The following AGMO variants were observed in gnomAD, a reference collection of about 807,000 sequenced individuals.
AGMO encodes alkylglycerol monooxygenase, also known as glyceryl-ether monooxygenase.
In AGMO, 75 loss-of-function variants were observed where a neutral mutation model predicts 60.2. The observed-to-expected ratio is 1.25, with a 90% CI of 1.03 to 1.51. The LOEUF is 1.51. Among genes scored for constraint, AGMO ranks in the 40% most tolerant of loss-of-function variants. AGMO has a pLI of 0.00. For missense variants in AGMO, 763 were observed against 525.5 expected (o/e 1.45, Z -4.42); for synonymous variants, 261 against 177.1 (o/e 1.47, Z -3.76).
chr7:15,370,874 G>A (rs1315505832), intron 10 of AGMO, among the ~76,000 whole-genome samples: 1 of 152,100 alleles, frequency 6.6e-6, no homozygotes. Flanking sequence ...CTTTTGCTGT[G>A]CAGAAGCTCT....
At chr7:15,233,278 T>C (rs915241418) in intron 12 of AGMO, among the ~76,000 whole-genome samples, 3 of 152,188 alleles carry the variant, frequency 2.0e-5, no homozygotes, top group Non-Finnish European at 4.4e-5. Context: ...CGTGAATCCA[T>C]CTAAATTACC....
chr7:15,218,327 A>ATGTGTGTGTG lies in AGMO; in HGVS notation c.1264-16978_1264-16969dup, dbSNP rs138890087. On this transcript the variant is annotated intron_variant, in intron 12 of 12. Transcript: ENST00000342526. ...ATACTATATTGACTATGGTGTGTGT[A>ATGTGTGTGTG]TGTGTGTGTGTGTGTGTGTGTGTGT... Among the ~76,000 whole-genome samples, 1,127 of 144,008 alleles carry ATGTGTGTGTG rather than the reference A, an allele frequency of 7.8e-3. 12 individuals are homozygous for ATGTGTGTGTG. The highest frequency in any genetic ancestry group is 0.025 in the Middle Eastern group (7 of 282). The allele number at this position is 144,008 out of a possible 152,430, so 94.5% of individuals were successfully genotyped here. A position where few individuals can be genotyped will look rare whatever the true frequency, so the allele number is the denominator to read the frequency against.
At chr7:15,181,447 T>G in the AGMO span, among the ~76,000 whole-genome samples, 1 of 152,220 alleles carries the variant, frequency 6.6e-6, no homozygotes, top group Non-Finnish European at 1.5e-5. Context: ...ATTTTATCAG[T>G]CACTACCCAT....
At chr7:15,385,076 C>G (rs1409546034) in intron 10 of AGMO, among the ~76,000 whole-genome samples, 1 of 152,116 alleles carries the variant, frequency 6.6e-6, no homozygotes, top group Non-Finnish European at 1.5e-5. Context: ...AGGGAATTCT[C>G]TAAGTGAAGG....
At chr7:15,501,275 A>C (rs1313115916) in intron 3 of AGMO, among the ~76,000 whole-genome samples, 1 of 151,962 alleles carries the variant, frequency 6.6e-6, no homozygotes, top group African/African-American at 2.4e-5. Context: ...TAATGCTGTC[A>C]GTAGGGTGGC....
At chr7:15,511,376 AT>A (rs989459758) in intron 3 of AGMO, among the ~76,000 whole-genome samples, 2 of 152,014 alleles carry the variant, frequency 1.3e-5, no homozygotes, top group African/African-American at 4.8e-5. Context: ...CCAGGAATCA[AT>A]TTTTTTTCTC....
chr7:15,206,046 T>G (rs1441610433), intron 12 of AGMO, among the ~76,000 whole-genome samples: 3 of 152,108 alleles, frequency 2.0e-5, no homozygotes, highest in Non-Finnish European at 4.4e-5. Context: ...TAACACAATG[T>G]TTTGGTTTTT....
chr7:15,515,389 G>T (rs1783781288), intron 3 of AGMO, among the ~76,000 whole-genome samples: 1 of 152,092 alleles, frequency 6.6e-6, no homozygotes, highest in Admixed American at 6.6e-5. Flanking sequence ...GAACCCAAAC[G>T]GTTCCTTTCT....
chr7:15,449,514 C>G (rs1350805204), intron 3 of AGMO, among the ~76,000 whole-genome samples: 1 of 152,122 alleles, frequency 6.6e-6, no homozygotes, highest in Non-Finnish European at 1.5e-5. Flanking sequence ...CAAATAATTA[C>G]CATTGTCTTA....
intron 12 of AGMO, among the ~76,000 whole-genome samples, chr7:15,272,688 T>C (rs1036647476): frequency 7.2e-5 from 11 of 152,156 alleles, no homozygotes; most frequent in African/African-American, 2.7e-4. Flanking sequence ...AGTTCTAGAT[T>C]CTTGAGGAAT....
chr7:15,507,383 CA>C (rs1783542489), intron 3 of AGMO, among the ~76,000 whole-genome samples: 1 of 151,984 alleles, frequency 6.6e-6, no homozygotes, highest in Non-Finnish European at 1.5e-5. Flanking sequence ...ATCTTGTCCA[CA>C]AAGTCAAACT....
chr7:15,341,769 G>A (rs1781855740), intron 12 of AGMO, among the ~76,000 whole-genome samples: 1 of 152,102 alleles, frequency 6.6e-6, no homozygotes, highest in Non-Finnish European at 1.5e-5. Flanking sequence ...TGACTGGGGA[G>A]GCCTCACAAT....
At chr7:15,452,014 C>G (rs549911128) in intron 3 of AGMO, among the ~76,000 whole-genome samples, 1 of 152,276 alleles carries the variant, frequency 6.6e-6, no homozygotes, top group South Asian at 2.1e-4. Flanking sequence ...GTTAGGTTTT[C>G]AATCTTGTCT....
intron 12 of AGMO, among the ~76,000 whole-genome samples, chr7:15,359,906 A>T (rs919488475): frequency 6.6e-6 from 1 of 152,176 alleles, no homozygotes; most frequent in Non-Finnish European, 1.5e-5. Context: ...CATTTTTAAT[A>T]CTCAGAGAAA....
At position 15,385,420 on chromosome 7, in the gene AGMO, C is replaced by A. The variant is rs761831813; in HGVS notation, c.1074+26G>T. 3.2e-5 allele frequency: 44 copies of A among 1,364,496 alleles called. 1 individual carries two copies. The African/African-American group carries it at 6.1e-4, about 19-fold the overall frequency. The allele number at this position is 1,364,496 out of a possible 1,614,324, so 84.5% of individuals were successfully genotyped here. A position where few individuals can be genotyped will look rare whatever the true frequency, so the allele number is the denominator to read the frequency against. On this transcript the variant is annotated intron_variant, in intron 10 of 12. Transcript: ENST00000342526. ...AACAAAGTAACAGATAATGTTCTCACACTACTTAAAATGGATATTACTTAC... is the reference window on the plus strand; with the variant it reads ...AACAAAGTAACAGATAATGTTCTCAAACTACTTAAAATGGATATTACTTAC...
chr7:15,450,086 T>C (rs562933327), intron 3 of AGMO, among the ~76,000 whole-genome samples: 1 of 152,338 alleles, frequency 6.6e-6, no homozygotes, highest in African/African-American at 2.4e-5. Flanking sequence ...TTTAGTAAAG[T>C]ATTACAAATG....
At chr7:15,449,861 A>G (rs1781812498) in intron 3 of AGMO, among the ~76,000 whole-genome samples, 1 of 152,192 alleles carries the variant, frequency 6.6e-6, no homozygotes, top group South Asian at 2.1e-4. Flanking sequence ...ACAACTTAAT[A>G]ATGTCCCACT....
intron 3 of AGMO, among the ~76,000 whole-genome samples, chr7:15,543,816 G>A (rs371094359): frequency 6.6e-6 from 1 of 151,224 alleles, no homozygotes; most frequent in East Asian, 2.0e-4. Context: ...TGTTTGATCT[G>A]GCAATTCCAG....
intron 12 of AGMO, among the ~76,000 whole-genome samples, chr7:15,336,300 A>G (rs1781658591): frequency 6.6e-6 from 1 of 152,202 alleles, no homozygotes; most frequent in East Asian, 1.9e-4. Context: ...TCTTTTGTTT[A>G]TTTAGAAAAT....
Sources: gnomAD v4.1 joint callset for allele counts (sites outside exome capture counted in the v4.1 genomes callset) on GRCh38, gnomAD v4.1.1 for gene constraint, MANE v1.5 for transcripts, NCBI Gene and HGNC (gene_info 2026-07-23, HGNC 2026-07-21) for gene names.